Variants in SDK1 observed in about 807,000 individuals in gnomAD.
The protein encoded by SDK1 is protein sidekick-1.
SDK1 carries 157 observed loss-of-function variants against 245.5 expected under a neutral mutation model. The observed-to-expected ratio is 0.64, with a 90% CI of 0.56 to 0.73. The LOEUF is 0.73. SDK1 is among the 30% of genes least tolerant of loss of function. The pLI is 0.00. For synonymous variants in SDK1, 1,647 were observed against 1,278.5 expected, an observed-to-expected ratio of 1.29 and a Z score of -6.15; for missense variants, 3,583 against 3,002.3, an observed-to-expected ratio of 1.19 and a Z score of -4.52.
intron 5 of SDK1, among the ~76,000 whole-genome samples, chr7:3,855,291 A>G (rs1353162322): frequency 1.3e-5 from 2 of 152,070 alleles, no homozygotes; most frequent in Non-Finnish European, 1.5e-5. Flanking sequence ...TGACAACACC[A>G]TGAAAGAGAG....
chr7:3,526,624 C>CT (rs1783143335), intron 1 of SDK1, among the ~76,000 whole-genome samples: 1 of 152,036 alleles, frequency 6.6e-6, no homozygotes, highest in Non-Finnish European at 1.5e-5. Context: ...GAAGTGGTTA[C>CT]TTTCATTTCT....
At chr7:3,967,171 T>A in intron 9 of SDK1, 147 bp from the exon 10 acceptor site, 1 of 651,408 alleles carries the variant, frequency 1.5e-6, no homozygotes, top group Non-Finnish European at 2.7e-6. Context: ...AGTGGAGGGC[T>A]GCCGTCCCTC....
At chr7:3,552,950 G>T (rs1007775824) in intron 1 of SDK1, among the ~76,000 whole-genome samples, 1 of 152,064 alleles carries the variant, frequency 6.6e-6, no homozygotes, top group Non-Finnish European at 1.5e-5. Context: ...GTTATAAGTT[G>T]TATATTTCTG....
intron 5 of SDK1, among the ~76,000 whole-genome samples, chr7:3,848,937 C>A (rs998642417): frequency 3.3e-5 from 5 of 152,058 alleles, no homozygotes; most frequent in African/African-American, 7.2e-5. Flanking sequence ...CCCAAAGTGC[C>A]GGGATTACAG....
intron 5 of SDK1, 142 bp from the exon 6 acceptor site, chr7:3,950,781 G>A: frequency 3.2e-6 from 2 of 626,506 alleles, no homozygotes; most frequent in Non-Finnish European, 5.8e-6. Context: ...TCATACATCA[G>A]GGACAATTTG....
At chr7:3,646,223 G>C (rs932706132) in intron 4 of SDK1, among the ~76,000 whole-genome samples, 20 of 151,968 alleles carry the variant, frequency 1.3e-4, no homozygotes, top group African/African-American at 4.4e-4. Flanking sequence ...TTTGTCATGT[G>C]GTGAAAGCAG....
chr7:3,960,678 C>T (rs1781605046), intron 8 of SDK1, among the ~76,000 whole-genome samples: 2 of 152,134 alleles, frequency 1.3e-5, no homozygotes, highest in Admixed American at 6.5e-5. Context: ...CAGCTCACAG[C>T]GGCTGCTGTC....
chr7:3,794,107 A>T lies in SDK1; in HGVS notation c.714-27343A>T, dbSNP rs574204726. 3.3e-5 allele frequency among the ~76,000 whole-genome samples: 5 copies of T among 152,290 alleles called. No individual in the cohort carries two copies. In the East Asian group the frequency reaches 7.7e-4, roughly 24 times the overall value. ...ACTCTTTGAATCTATTTTACGTTTT[A>T]TGATTTTACCTTTTTTAAAAAAAGT... On this transcript the variant is annotated intron_variant, in intron 4 of 44. Transcript: ENST00000404826.
At chr7:3,608,620 G>A (rs1375133202) in intron 1 of SDK1, among the ~76,000 whole-genome samples, 1 of 151,506 alleles carries the variant, frequency 6.6e-6, no homozygotes, top group Non-Finnish European at 1.5e-5. Flanking sequence ...GTGTTAATTT[G>A]TGATATTTTT....
At chr7:3,491,792 A>G (rs1436106128) in intron 1 of SDK1, among the ~76,000 whole-genome samples, 2 of 152,250 alleles carry the variant, frequency 1.3e-5, no homozygotes, top group Non-Finnish European at 2.9e-5. Context: ...CAAGACAAAT[A>G]CTTTTTCTCA....
chr7:3,320,722 G>T (rs535569200), intron 1 of SDK1, among the ~76,000 whole-genome samples: 1 of 152,002 alleles, frequency 6.6e-6, no homozygotes, highest in South Asian at 2.1e-4. Flanking sequence ...TGTTCAACTA[G>T]TTATCTTTGT....
chr7:3,412,491 A>C (rs747234458), intron 1 of SDK1, among the ~76,000 whole-genome samples: 1 of 152,158 alleles, frequency 6.6e-6, no homozygotes, highest in Non-Finnish European at 1.5e-5. Flanking sequence ...ATGTTCCTTT[A>C]TGTGTTTATA....
Position 3,341,369 on chromosome 7 carries a change from T to G in SDK1, c.298+39485T>G, listed in dbSNP as rs528472211. 4.6e-5 allele frequency among the ~76,000 whole-genome samples: 7 copies of G among 152,240 alleles called. No individual in the cohort carries two copies. In the East Asian group the frequency reaches 1.4e-3, roughly 29 times the overall value. On this transcript the variant is annotated intron_variant, in intron 1 of 44. Coordinates refer to ENST00000404826, the MANE Select transcript of SDK1 (RefSeq NM_152744.4). ...AGAACTTTCTCAACTAAAGAGCATC[T>G]AACAAAAGCCTTCTCCAGCTAAGAC...
chr7:3,394,153 C>T (rs1256044019), intron 1 of SDK1, among the ~76,000 whole-genome samples: 1 of 151,640 alleles, frequency 6.6e-6, no homozygotes, highest in Non-Finnish European at 1.5e-5. Context: ...TATTGTTCTC[C>T]TCCTTTTCTC....
At position 4,026,368 on chromosome 7, in the gene SDK1, C is replaced by T. The variant is rs1014843569; in HGVS notation, c.2602+9016C>T. Among the ~76,000 whole-genome samples the T allele has an allele frequency of 3.3e-5, 5 of 152,124 alleles. No homozygotes were observed. The highest frequency in any genetic ancestry group is 6.5e-5 in the Admixed American group (1 of 15,280). On this transcript the variant is annotated intron_variant, in intron 17 of 44. Transcript: ENST00000404826. The surrounding 1 kb of genome is among the most constrained non-coding windows in gnomAD (Gnocchi z 4.1). The stretch of plus-strand genomic sequence containing the variant: ...TTAGAAGCTCAGCGTTTGGCATGGG[C>T]GAAGATATATTTTAGGAATGAAACT...
rs1055275729 is a variant in SDK1 at position 3,516,855 on chromosome 7, C to CT, written c.299-102222dup. Among the ~76,000 whole-genome samples, 77 of 152,258 alleles carry CT rather than the reference C, an allele frequency of 5.1e-4. 1 individual carries two copies. The highest frequency in any genetic ancestry group is 1.8e-3 in the African/African-American group (75 of 41,570). ...TTAAGAATTCATTAACTGTAATAGA[C>CT]TTTATCACCCATTATTTGGGGACAT... On this transcript the variant is annotated intron_variant, in intron 1 of 44. Transcript: ENST00000404826.
At chr7:3,763,145 A>G (rs1395694723) in intron 4 of SDK1, among the ~76,000 whole-genome samples, 3 of 152,182 alleles carry the variant, frequency 2.0e-5, no homozygotes. Flanking sequence ...TTCTTTAATA[A>G]TGAGTAATTT....
chr7:3,342,104 A>G (rs1232592604), intron 1 of SDK1, among the ~76,000 whole-genome samples: 1 of 152,240 alleles, frequency 6.6e-6, no homozygotes, highest in Non-Finnish European at 1.5e-5. Context: ...TAAATATGCC[A>G]AATTAATTTT....
intron 1 of SDK1, among the ~76,000 whole-genome samples, chr7:3,596,807 C>T (rs899625605): frequency 2.0e-5 from 3 of 152,198 alleles, no homozygotes; most frequent in Admixed American, 2.0e-4. Context: ...CAGAGTAACT[C>T]ATGCTGCCAC....
Sources: gnomAD v4.1 joint callset for allele counts (sites outside exome capture counted in the v4.1 genomes callset) on GRCh38, gnomAD v4.1.1 for gene constraint, Gnocchi (gnomAD v3.1) non-coding constraint, MANE v1.5 for transcripts, NCBI Gene and HGNC (gene_info 2026-07-23, HGNC 2026-07-21) for gene names.